Variants in DCC observed in about 807,000 individuals in gnomAD.
The protein encoded by DCC is DCC netrin 1 receptor, also known as netrin receptor DCC.
DCC carries 58 observed loss-of-function variants against 172.5 expected under a neutral mutation model. The ratio of observed to expected loss-of-function variants is 0.34; its 90% CI spans 0.27 to 0.42. DCC has a LOEUF of 0.42. Ranked by LOEUF, DCC falls within the 10% of genes least tolerant of loss-of-function variation. DCC has a pLI of 1.00. For synonymous variants in DCC, 709 were observed against 644.5 expected, an observed-to-expected ratio of 1.10 and a Z score of -1.52; for missense variants, 1,740 against 1,791.0, an observed-to-expected ratio of 0.97 and a Z score of 0.51.
intron 15 of DCC, among the ~76,000 whole-genome samples, chr18:53,382,104 ACC>A (rs1555661840): frequency 3.6e-4 from 19 of 52,950 alleles, no homozygotes; most frequent in South Asian, 1.0e-3. Flanking sequence ...ACACACACAC[ACC>A]CCTACCTCCT....
intron 1 of DCC, among the ~76,000 whole-genome samples, chr18:52,586,873 A>G (rs1292527713): frequency 6.6e-6 from 1 of 152,172 alleles, no homozygotes; most frequent in Non-Finnish European, 1.5e-5. Flanking sequence ...CTTCAGGATG[A>G]TGGGAAACAT....
chr18:53,284,391 C>T lies in DCC; in HGVS notation c.1912-21187C>T, dbSNP rs555179867. Among the ~76,000 whole-genome samples, 5 of 152,154 alleles carry T rather than the reference C, an allele frequency of 3.3e-5. No homozygotes were observed. In the South Asian group the frequency reaches 8.3e-4, roughly 25 times the overall value. On this transcript the variant is annotated intron_variant, in intron 12 of 28. Coordinates refer to ENST00000442544, the MANE Select transcript of DCC (RefSeq NM_005215.4). ...AATGAATCATGGGGGTGGTCTTTCC[C>T]GTGCTGTTTTTGTGATAGTGAGTAC...
intron 8 of DCC, among the ~76,000 whole-genome samples, chr18:53,166,693 A>G (rs1160769651): frequency 6.6e-6 from 1 of 152,186 alleles, no homozygotes; most frequent in Admixed American, 6.6e-5. Flanking sequence ...GCTCATTCCT[A>G]GATTTATCCT....
intron 1 of DCC, among the ~76,000 whole-genome samples, chr18:52,708,172 T>C (rs138254549): frequency 6.6e-6 from 1 of 152,174 alleles, no homozygotes; most frequent in African/African-American, 2.4e-5. Context: ...CTGGGCACAG[T>C]GGCTCACGCC....
chr18:52,941,554 A>G (rs2040465367), intron 5 of DCC, among the ~76,000 whole-genome samples: 1 of 151,954 alleles, frequency 6.6e-6, no homozygotes, highest in South Asian at 2.1e-4. Context: ...GCGCTCATAT[A>G]CACACACTAT....
intron 2 of DCC, among the ~76,000 whole-genome samples, chr18:52,778,644 G>C (rs2037477781): frequency 6.6e-6 from 1 of 152,186 alleles, no homozygotes; most frequent in Non-Finnish European, 1.5e-5. Flanking sequence ...TGATAATTTT[G>C]AGAGGCATAA....
intron 12 of DCC, among the ~76,000 whole-genome samples, chr18:53,280,114 GC>G (rs2056854312): frequency 6.6e-6 from 1 of 152,014 alleles, no homozygotes; most frequent in Non-Finnish European, 1.5e-5. Context: ...AAAATCCTAG[GC>G]TTCTGTTGAA....
chr18:52,695,007 G>A (rs2035989821), intron 1 of DCC, among the ~76,000 whole-genome samples: 1 of 152,092 alleles, frequency 6.6e-6, no homozygotes, highest in South Asian at 2.1e-4. Context: ...CCCTGGGTTG[G>A]GTAGCCTGGA....
At chr18:52,545,830 T>G (rs2032596268) in intron 1 of DCC, among the ~76,000 whole-genome samples, 1 of 152,156 alleles carries the variant, frequency 6.6e-6, no homozygotes, top group Admixed American at 6.5e-5. Flanking sequence ...CAGGAATAAA[T>G]AGTACTAACT....
At chr18:52,640,813 A>G (rs2034875898) in intron 1 of DCC, among the ~76,000 whole-genome samples, 1 of 152,092 alleles carries the variant, frequency 6.6e-6, no homozygotes, top group Non-Finnish European at 1.5e-5. Context: ...CAAATTCAAT[A>G]TAATCCCCAT....
At chr18:53,241,300 G>A (rs751424731) in intron 12 of DCC, among the ~76,000 whole-genome samples, 8 of 152,140 alleles carry the variant, frequency 5.3e-5, no homozygotes, top group African/African-American at 1.2e-4. Flanking sequence ...AAAACAAGCC[G>A]AGATGAAAGT....
chr18:52,378,580 A>G (rs542579642), intron 1 of DCC, among the ~76,000 whole-genome samples: 2 of 152,226 alleles, frequency 1.3e-5, no homozygotes, highest in African/African-American at 2.4e-5. Flanking sequence ...AAAATCTCAC[A>G]CTGTTGCACA....
chr18:52,918,154 C>G (rs907733910), intron 3 of DCC, among the ~76,000 whole-genome samples: 1 of 152,016 alleles, frequency 6.6e-6, no homozygotes, highest in Non-Finnish European at 1.5e-5. Flanking sequence ...ATGTGTCAAC[C>G]AATTTATGAA....
At position 52,752,315 on chromosome 18, in the gene DCC, A is replaced by G; in HGVS notation, c.353A>G (p.Glu118Gly). 6.2e-7 allele frequency: 1 copy of G among 1,614,180 alleles called. No individual in the cohort carries two copies. Among genetic ancestry groups the G allele is most frequent in the Non-Finnish European group, 8.5e-7 (1 of 1,180,026 alleles). ...CCAGATGAGGGACTTTACCAATGTG[A>G]GGCATCTTTAGGAGATTCTGGCTCA... is the stretch of plus-strand genomic sequence containing the variant. ...HKPDEGLYQCEASLGDSGSII... is the reference protein window; with the variant it reads ...HKPDEGLYQCGASLGDSGSII... Residue 118 changes from glutamate to glycine, a missense_variant, in exon 2 of 29, where the codon GAG becomes GGG. Around this residue, in one of 2 missense-constraint regions of DCC, gnomAD observed 1,732 missense variants for 1,767.4 expected, o/e 0.98. Coordinates refer to ENST00000442544, the MANE Select transcript of DCC (RefSeq NM_005215.4).
intron 2 of DCC, among the ~76,000 whole-genome samples, chr18:52,758,317 AT>A (rs1006028400): frequency 5.3e-5 from 8 of 151,942 alleles, no homozygotes; most frequent in African/African-American, 1.9e-4. Context: ...AAGTTTGCAT[AT>A]TTTTTTTCTG....
chr18:52,603,271 T>C (rs1426747835), intron 1 of DCC, among the ~76,000 whole-genome samples: 3 of 152,068 alleles, frequency 2.0e-5, no homozygotes, highest in Non-Finnish European at 2.9e-5. Flanking sequence ...AGGGTGGTTC[T>C]AGTCCCAAAT....
intron 5 of DCC, among the ~76,000 whole-genome samples, chr18:53,017,840 G>A (rs776610121): frequency 1.7e-4 from 26 of 152,126 alleles, no homozygotes; most frequent in African/African-American, 3.6e-4. Flanking sequence ...TGCAGGTTCC[G>A]TAAAGTTGTT....
intron 25 of DCC, among the ~76,000 whole-genome samples, chr18:53,483,144 T>C (rs138225415): frequency 0.01 from 1,555 of 152,072 alleles, 9 homozygotes; most frequent in Admixed American, 0.017. Context: ...TTATAACATT[T>C]TGGCTGGTAT....
At chr18:53,472,005 A>G (rs2045702662) in intron 25 of DCC, among the ~76,000 whole-genome samples, 2 of 152,296 alleles carry the variant, frequency 1.3e-5, no homozygotes, top group South Asian at 2.1e-4. Flanking sequence ...CACCTGGCAC[A>G]TGGTAGGCAT....
Sources: gnomAD v4.1 joint callset for allele counts (sites outside exome capture counted in the v4.1 genomes callset) on GRCh38, gnomAD v4.1.1 for gene constraint, gnomAD v4.1.1 regional missense constraint, MANE v1.5 for transcripts, NCBI Gene and HGNC (gene_info 2026-07-23, HGNC 2026-07-21) for gene names.